The following ASCC2 variants were observed in gnomAD, a reference collection of about 807,000 sequenced individuals.
ASCC2 encodes ASC-1 complex subunit P100.
Under a neutral mutation model 93.5 loss-of-function variants are expected in ASCC2, and 42 were observed. The ratio of observed to expected loss-of-function variants is 0.45; its 90% CI spans 0.35 to 0.58. The LOEUF is 0.58. Among genes scored for constraint, ASCC2 ranks in the 20% least tolerant of loss-of-function variants. The probability of loss-of-function intolerance (pLI) is 0.00; values close to 1 mark genes in which losing one functional copy is unlikely to be tolerated. For missense variants in ASCC2, 859 were observed against 977.6 expected (o/e 0.88, Z 1.62); for synonymous variants, 364 against 384.2 (o/e 0.95, Z 0.62).
At chr22:29,812,695 T>G (rs1476497671) in intron 8 of ASCC2, among the ~76,000 whole-genome samples, 1 of 152,188 alleles carries the variant, frequency 6.6e-6, no homozygotes, top group East Asian at 1.9e-4. Flanking sequence ...TCTGGGCCTC[T>G]GCATGCTTCA....
intron 1 of ASCC2, among the ~76,000 whole-genome samples, chr22:29,835,361 G>A (rs545052029): frequency 1.3e-5 from 2 of 151,340 alleles, no homozygotes; most frequent in East Asian, 3.9e-4. Flanking sequence ...TGGCACCACT[G>A]CACTCCATCC....
rs1049826881 is a variant in ASCC2, at chr22:29,793,208, G to A, written c.1919+152C>T. 5 of 1,037,808 alleles carry A rather than the reference G, an allele frequency of 4.8e-6. No individual in the cohort carries two copies. The African/African-American group carries it at 8.0e-5, about 17-fold the overall frequency. The allele number at this position is 1,037,808 out of a possible 1,614,324, so 64.3% of individuals were successfully genotyped here. A position where few individuals can be genotyped will look rare whatever the true frequency, so the allele number is the denominator to read the frequency against. The stretch of plus-strand genomic sequence containing the variant: ...ACCGAATAAATGCTGCCCCATTCAG[G>A]GTGGGCTGGGGTGGAGGAGCACTGG... On this transcript the variant is annotated intron_variant, in intron 17 of 19. Coordinates refer to ENST00000307790, the MANE Select transcript of ASCC2 (RefSeq NM_032204.5).
intron 8 of ASCC2, among the ~76,000 whole-genome samples, chr22:29,810,481 C>G (rs2060156546): frequency 6.6e-6 from 1 of 152,168 alleles, no homozygotes; most frequent in South Asian, 2.1e-4. Flanking sequence ...AAGAGGCAGG[C>G]CCTACTAGGC....
intron 13 of ASCC2, among the ~76,000 whole-genome samples, chr22:29,803,584 G>A (rs2059346191): frequency 1.3e-5 from 2 of 152,204 alleles, no homozygotes; most frequent in South Asian, 4.1e-4. Flanking sequence ...TTTACTGACG[G>A]TGGAGGCGAA....
chr22:29,792,666 C>G, intron 17 of ASCC2, 131 bp from the exon 18 acceptor site: 1 of 1,271,806 alleles, frequency 7.9e-7, no homozygotes, highest in African/African-American at 1.5e-5. Context: ...AACCAAAAGC[C>G]TTTCAAGCCA....
chr22:29,815,079 G>T, intron 6 of ASCC2: 1 of 258,780 alleles, frequency 3.9e-6, no homozygotes, highest in South Asian at 4.1e-5. Flanking sequence ...GGGATCATTT[G>T]AGGCCGGAAG....
intron 18 of ASCC2, 78 bp downstream of exon 18, chr22:29,792,355 G>A (rs1202003989): frequency 6.3e-7 from 1 of 1,583,014 alleles, no homozygotes; most frequent in African/African-American, 1.3e-5. Flanking sequence ...GCCAGACATA[G>A]GGAGGGGTGA....
intron 2 of ASCC2, among the ~76,000 whole-genome samples, chr22:29,831,312 G>T (rs1226677535): frequency 6.6e-6 from 1 of 152,220 alleles, no homozygotes; most frequent in Non-Finnish European, 1.5e-5. Flanking sequence ...CTCCCATCCT[G>T]ACTCCCCTGA....
intron 9 of ASCC2, among the ~76,000 whole-genome samples, chr22:29,807,789 A>T (rs939232630): frequency 1.3e-5 from 2 of 152,060 alleles, no homozygotes; most frequent in Admixed American, 1.3e-4. Context: ...CACGCCTATA[A>T]TCCCAGCTAC....
chr22:29,827,757 G>GACACACACAC (rs35763537), intron 2 of ASCC2, among the ~76,000 whole-genome samples: 1,419 of 100,956 alleles, frequency 0.014, 57 homozygotes, highest in Middle Eastern at 0.032. Context: ...TCATTCTCCC[G>GACACACACAC]ACACACACAC....
chr22:29,797,069 T>C (rs2058529428), intron 15 of ASCC2, among the ~76,000 whole-genome samples: 1 of 152,118 alleles, frequency 6.6e-6, no homozygotes, highest in Non-Finnish European at 1.5e-5. Flanking sequence ...TCCAGGGAGA[T>C]GCAACCTTGG....
chr22:29,825,136 C>G lies in ASCC2; in HGVS notation c.362G>C (p.Arg121Pro), dbSNP rs139993389. ...GCGGAGGAAGGTGAGAAAAACACTT[C>G]GATGGAGGCGCTTCTGCATGTCAAC... The part of the protein sequence containing the change: ...EVVDMQKRLH[R>P]SVFLTFLRMS... Residue 121 changes from arginine to proline, a missense_variant, in exon 4 of 20, where the codon CGA becomes CCA. Transcript: ENST00000307790. This position sits in a 1 kb window ranked among gnomAD's most constrained non-coding sequence, Gnocchi z 4.9. 6.5e-7 allele frequency: 1 copy of G among 1,540,812 alleles called. No individual in the cohort carries two copies. Among genetic ancestry groups the G allele is most frequent in the African/African-American group, 1.4e-5 (1 of 71,598 alleles).
intron 5 of ASCC2, among the ~76,000 whole-genome samples, chr22:29,819,972 GA>G (rs1312832064): frequency 6.6e-6 from 1 of 151,182 alleles, no homozygotes; most frequent in East Asian, 2.0e-4. Context: ...GCATCCTCCA[GA>G]ATCAGCCTCC....
intron 15 of ASCC2, among the ~76,000 whole-genome samples, 156 bp downstream of exon 15, chr22:29,800,832 GCTC>G (rs2147632208): frequency 6.6e-6 from 1 of 152,290 alleles, no homozygotes; most frequent in East Asian, 1.9e-4. Flanking sequence ...TAGAGAACCT[GCTC>G]CTAACCACTG....
chr22:29,800,921 T>C, intron 15 of ASCC2, 70 bp downstream of exon 15: 1 of 1,507,676 alleles, frequency 6.6e-7, no homozygotes, highest in Non-Finnish European at 8.9e-7. Context: ...GATGGAGCCC[T>C]TGGTTTCCCT....
At chr22:29,830,345 A>C (rs750405534) in intron 2 of ASCC2, among the ~76,000 whole-genome samples, 4 of 152,232 alleles carry the variant, frequency 2.6e-5, no homozygotes, top group African/African-American at 7.2e-5. Context: ...AATGAACACG[A>C]AGCCTGTACT....
chr22:29,799,531 C>T (rs913092590), intron 15 of ASCC2, among the ~76,000 whole-genome samples: 4 of 152,206 alleles, frequency 2.6e-5, no homozygotes, highest in Non-Finnish European at 4.4e-5. Flanking sequence ...CTGGCATTTC[C>T]GCCACTGGGG....
intron 18 of ASCC2, among the ~76,000 whole-genome samples, 159 bp from the exon 19 acceptor site, chr22:29,790,707 T>C (rs2057619307): frequency 6.6e-6 from 1 of 152,208 alleles, no homozygotes; most frequent in South Asian, 2.1e-4. Flanking sequence ...GGAGTGGGAT[T>C]ACTGTGGTCT....
At chr22:29,823,497 G>A (rs911630125) in intron 4 of ASCC2, among the ~76,000 whole-genome samples, 2 of 152,208 alleles carry the variant, frequency 1.3e-5, no homozygotes, top group South Asian at 2.1e-4. Flanking sequence ...TGAGATTGGC[G>A]GAATGTTGAT....
Sources: gnomAD v4.1 joint callset for allele counts (sites outside exome capture counted in the v4.1 genomes callset) on GRCh38, gnomAD v4.1.1 for gene constraint, Gnocchi (gnomAD v3.1) non-coding constraint, MANE v1.5 for transcripts, NCBI Gene and HGNC (gene_info 2026-07-23, HGNC 2026-07-21) for gene names.